BOD1L1: variants seen among roughly 807,000 people sequenced by gnomAD.
BOD1L1 encodes the protein biorientation of chromosomes in cell division 1 like 1.
In BOD1L1, 86 loss-of-function variants were observed where a neutral mutation model predicts 240.7. That is an observed-to-expected ratio of 0.36 (90% CI 0.30 to 0.43). BOD1L1 has a LOEUF of 0.43. Ranked by LOEUF, BOD1L1 falls within the 20% of genes least tolerant of loss-of-function variation. The pLI, the probability that BOD1L1 is intolerant of heterozygous loss-of-function variation, is 1.00. For synonymous variants in BOD1L1, 1,268 were observed against 1,272.3 expected, an observed-to-expected ratio of 1.00 and a Z score of 0.07; for missense variants, 3,554 against 3,643.5, an observed-to-expected ratio of 0.98 and a Z score of 0.63.
At chr4:13,619,913 C>T (rs1490367693) in intron 2 of BOD1L1, 30 bp downstream of exon 2, 2 of 1,606,526 alleles carry the variant, frequency 1.2e-6, no homozygotes, top group South Asian at 2.2e-5. Context: ...ACATTTAAAA[C>T]CTGCCCAGAA....
Position 13,619,129 on chromosome 4 carries a change from T to C in BOD1L1, c.368+814A>G, listed in dbSNP as rs545571503. Among the ~76,000 whole-genome samples, 12 of 151,894 alleles carry C rather than the reference T, an allele frequency of 7.9e-5. 1 individual carries two copies. The highest frequency in any genetic ancestry group is 1.6e-4 in the Non-Finnish European group (11 of 67,918). On this transcript the variant is annotated intron_variant, in intron 2 of 25. Coordinates refer to ENST00000040738, the MANE Select transcript of BOD1L1 (RefSeq NM_148894.3). ...CTTGAGCCTAGGATTTGGAGACCAG[T>C]CTGGGCAACATAATGAGACCCTGTC...
Position 13,602,134 on chromosome 4 carries a change from G to A in BOD1L1, c.4766C>T (p.Ala1589Val). Residue 1589 changes from alanine to valine, a missense_variant, in exon 10 of 26, where the codon GCT (alanine) becomes GTT (valine). This residue lies in a region of BOD1L1 where 3,393 missense variants were observed against 3,427.1 expected (regional missense o/e 0.99). Transcript: ENST00000040738. Reference sequence around the variant, plus strand: ...TGTGACAACAGCCCCACCTTCTTCAGCTGCAGCAAAAACAGTGCATTCACT... The same window carrying A: ...TGTGACAACAGCCCCACCTTCTTCAACTGCAGCAAAAACAGTGCATTCACT... ...EASECTVFAAAEEGGAVVTEG... is the reference protein window; with the variant it reads ...EASECTVFAAVEEGGAVVTEG... 6.2e-7 allele frequency: 1 copy of A among 1,613,946 alleles called. No homozygotes were observed. Among genetic ancestry groups the A allele is most frequent in the South Asian group, 1.1e-5 (1 of 91,088 alleles).
intron 25 of BOD1L1, among the ~76,000 whole-genome samples, chr4:13,571,320 T>C (rs1032597719): frequency 1.3e-5 from 2 of 152,174 alleles, no homozygotes; most frequent in Admixed American, 1.3e-4. Flanking sequence ...GATGGAGAAA[T>C]GGGACTCTTA....
In BOD1L1 at chr4:13,581,121, C is replaced by G. The variant is rs1713196806; in HGVS notation, c.8668+11G>C. The G allele has an allele frequency of 1.3e-6, 2 of 1,571,280 alleles. No individual in the cohort carries two copies. Among genetic ancestry groups the G allele is most frequent in the Non-Finnish European group, 1.7e-6 (2 of 1,156,542 alleles). On this transcript the variant is annotated intron_variant, in intron 20 of 25. Transcript: ENST00000040738. ...TCTTGTGTGTGAACTGAAAACACAC[C>G]AAGTACCTACTCATTTTTAACGTTG...
chr4:13,586,749 G>GT (rs1713732103), intron 16 of BOD1L1, among the ~76,000 whole-genome samples: 1 of 152,208 alleles, frequency 6.6e-6, no homozygotes, highest in Admixed American at 6.5e-5. Flanking sequence ...TTAGCGTATA[G>GT]TTTCCAGAGA....
Position 13,599,910 on chromosome 4 carries a change from G to A in BOD1L1, c.6990C>T (p.Ile2330=), listed in dbSNP as rs1474439065. 1 of 1,613,862 alleles carries A rather than the reference G, an allele frequency of 6.2e-7. No homozygotes were observed. The highest frequency in any genetic ancestry group is 8.5e-7 in the Non-Finnish European group (1 of 1,179,832). The change falls in exon 10 of 26, where the codon ATC becomes ATT. Residue 2330 remains isoleucine, a synonymous_variant. Coordinates refer to ENST00000040738, the MANE Select transcript of BOD1L1 (RefSeq NM_148894.3). ...RVEDLSDAAI[I]STSTAECMPI... ...GCATACATTCTGCTGTGCTGGTGGA[G>A]ATGATGGCAGCATCGCTCAAGTCTT...
chr4:13,574,755 A>G (rs1291546490), intron 25 of BOD1L1, among the ~76,000 whole-genome samples: 1 of 152,154 alleles, frequency 6.6e-6, no homozygotes, highest in Middle Eastern at 3.2e-3. Context: ...GCTCCACCTA[A>G]AAAAACAAAT....
At chr4:13,573,374 G>A (rs1712370378) in intron 25 of BOD1L1, among the ~76,000 whole-genome samples, 1 of 152,048 alleles carries the variant, frequency 6.6e-6, no homozygotes, top group South Asian at 2.1e-4. Flanking sequence ...GTCCTCTTCT[G>A]GATTCATTAG....
chr4:13,600,219 A>G lies in BOD1L1; in HGVS notation c.6681T>C (p.Cys2227=). 1.2e-6 allele frequency: 2 copies of G among 1,613,964 alleles called. No homozygotes were observed. The highest frequency in any genetic ancestry group is 1.7e-6 in the Non-Finnish European group (2 of 1,179,884). Residue 2227 remains cysteine (C), a synonymous_variant, in exon 10 of 26, where the codon TGT becomes TGC. Transcript: ENST00000040738. The stretch of plus-strand genomic sequence containing the variant: ...CAACTACACCGGAAACAGAAGCCTC[A>G]CATTCTTCTGCTATGCTAGTGGAAA... ...ALISTSIAEE[C]EASVSGVVVE... is the part of the protein sequence containing the mutation.
intron 1 of BOD1L1, among the ~76,000 whole-genome samples, chr4:13,620,604 A>G (rs1302093841): frequency 1.3e-5 from 2 of 152,144 alleles, no homozygotes; most frequent in Middle Eastern, 3.2e-3. Flanking sequence ...GCCAGGTGCT[A>G]AAAAGCTTTG....
Position 13,570,116 on chromosome 4 carries a change from C to A in BOD1L1, c.9051G>T (p.Gln3017His). Residue 3017 changes from glutamine to histidine, a missense_variant, in exon 26 of 26, where the codon CAG becomes CAT. Transcript: ENST00000040738. ...TRSEAQRSKTQLSPSIKRKRE... is the reference protein window; with the variant it reads ...TRSEAQRSKTHLSPSIKRKRE... ...TCTTGCGCTTGATAGAAGGGGAGAG[C>A]TGTGTCTTTGATCTGCATTAAGCAA... The A allele has an allele frequency of 6.3e-7, 1 of 1,594,888 alleles. No individual in the cohort carries two copies. Among genetic ancestry groups the A allele is most frequent in the South Asian group, 1.1e-5 (1 of 88,258 alleles).
intron 25 of BOD1L1, among the ~76,000 whole-genome samples, chr4:13,573,710 G>C (rs1712449223): frequency 6.6e-6 from 1 of 152,174 alleles, no homozygotes; most frequent in African/African-American, 2.4e-5. Flanking sequence ...TTTTAGTAGA[G>C]ATGAGGTTTC....
At chr4:13,580,352 T>G (rs1713126578) in intron 21 of BOD1L1, among the ~76,000 whole-genome samples, 1 of 152,180 alleles carries the variant, frequency 6.6e-6, no homozygotes, top group African/African-American at 2.4e-5. Flanking sequence ...CACTTCACAT[T>G]CAAGGAAACT....
In BOD1L1 at chr4:13,620,164, C is replaced by T. The variant is rs368119961; in HGVS notation, c.244-97G>A. 93 of 1,251,158 alleles carry T rather than the reference C, an allele frequency of 7.4e-5. No homozygotes were observed. In the African/African-American group the frequency reaches 9.3e-4, roughly 12 times the overall value. 77.5% of individuals were successfully genotyped at this position (1,251,158 alleles called of 1,614,324 possible). A position where few individuals can be genotyped will look rare whatever the true frequency, so the allele number is the denominator to read the frequency against. On this transcript the variant is annotated intron_variant, in intron 1 of 25. Transcript: ENST00000040738. ...TTTACCATGGGACAACAAAGTTTCACAGTTTCTGACAATTCTGCTTCAAGA... is the reference window on the plus strand; with the variant it reads ...TTTACCATGGGACAACAAAGTTTCATAGTTTCTGACAATTCTGCTTCAAGA...
Position 13,627,462 on chromosome 4 carries a change from G to A in BOD1L1, c.126C>T (p.Gly42=), listed in dbSNP as rs915196781. The A allele has an allele frequency of 2.8e-6, 3 of 1,074,494 alleles. No individual in the cohort carries two copies. Among genetic ancestry groups the A allele is most frequent in the African/African-American group, 1.7e-5 (1 of 58,550 alleles). The allele number at this position is 1,074,494 out of a possible 1,614,324, so 66.6% of individuals were successfully genotyped here. ...GGTCCCCGGCGCCCGCACCCGCGCC[G>A]CCCGCCCCGCCCGCGCCGGGGCCAG... ...PGAGPGAGGA[G]GAGAGAGDPQ... Residue 42 remains glycine, a synonymous_variant, in exon 1 of 26, where the codon GGC becomes GGT. Transcript: ENST00000040738.
chr4:13,612,767 T>G (rs1716271336), intron 5 of BOD1L1, among the ~76,000 whole-genome samples: 1 of 152,144 alleles, frequency 6.6e-6, no homozygotes, highest in South Asian at 2.1e-4. Flanking sequence ...CGATGTGATT[T>G]AGGGTCGGAG....
chr4:13,602,153 A>G lies in BOD1L1; in HGVS notation c.4747T>C (p.Cys1583Arg). 2 of 1,614,010 alleles carry G rather than the reference A, an allele frequency of 1.2e-6. No individual in the cohort carries two copies. Among genetic ancestry groups the G allele is most frequent in the Non-Finnish European group, 1.7e-6 (2 of 1,179,882 alleles). The change falls in exon 10 of 26, where the codon TGC becomes CGC. Residue 1583 changes from cysteine to arginine, a missense_variant. This residue lies in a region of BOD1L1 where 3,393 missense variants were observed against 3,427.1 expected (regional missense o/e 0.99). Transcript: ENST00000040738. ...PLHVGAEASECTVFAAAEEGG... is the reference protein window; with the variant it reads ...PLHVGAEASERTVFAAAEEGG... ...TCTTCAGCTGCAGCAAAAACAGTGC[A>G]TTCACTGGCTTCTGCACCAACATGA...
Position 13,626,319 on chromosome 4 carries a change from CAAA to C in BOD1L1, c.243+1023_243+1025del, listed in dbSNP as rs71169520. ...CTGGCGACAGGGCGAGACTCTGTCTCAAAAAAAAAAAAAAAAAAAAAAAAGGAA... is the reference window on the plus strand; with the variant it reads ...CTGGCGACAGGGCGAGACTCTGTCTCAAAAAAAAAAAAAAAAAAAAAGGAA... On this transcript the variant is annotated intron_variant, in intron 1 of 25. Coordinates refer to ENST00000040738, the MANE Select transcript of BOD1L1 (RefSeq NM_148894.3). 2.6e-4 allele frequency: 12 copies of C among 47,024 alleles called. No individual in the cohort carries two copies. In the Middle Eastern group the frequency reaches 4.3e-3, roughly 17 times the overall value. The allele number at this position is 47,024 out of a possible 1,614,324, so 2.9% of individuals were successfully genotyped here.
At chr4:13,577,944 T>C (rs1032836024) in intron 22 of BOD1L1, 2 of 235,126 alleles carry the variant, frequency 8.5e-6, no homozygotes, top group African/African-American at 4.7e-5. Context: ...CACTCAGTCA[T>C]TCAGGCTGGA....
Sources: gnomAD v4.1 joint callset for allele counts (sites outside exome capture counted in the v4.1 genomes callset) on GRCh38, gnomAD v4.1.1 for gene constraint, gnomAD v4.1.1 regional missense constraint, MANE v1.5 for transcripts, NCBI Gene and HGNC (gene_info 2026-07-23, HGNC 2026-07-21) for gene names.